ZSWIM5: variants seen among roughly 807,000 people sequenced by gnomAD.
ZSWIM5 encodes zinc finger SWIM domain-containing protein 5.
ZSWIM5 carries 55 observed loss-of-function variants against 119.6 expected under a neutral mutation model. The ratio of observed to expected loss-of-function variants is 0.46; its 90% CI spans 0.37 to 0.58. The LOEUF is 0.58. ZSWIM5 is among the 20% of genes least tolerant of loss of function. ZSWIM5 has a pLI of 0.00. For synonymous variants in ZSWIM5, 537 were observed against 606.9 expected (o/e 0.88, Z 1.69); for missense variants, 1,193 against 1,512.8 (o/e 0.79, Z 3.51).
intron 1 of ZSWIM5, among the ~76,000 whole-genome samples, chr1:45,099,878 G>A (rs1295725928): frequency 6.6e-6 from 1 of 152,080 alleles, no homozygotes; most frequent in Non-Finnish European, 1.5e-5. Context: ...CAATAAATTA[G>A]GTATTGATGT....
intron 4 of ZSWIM5, among the ~76,000 whole-genome samples, chr1:45,052,141 C>A (rs1645093073): frequency 1.3e-5 from 2 of 151,382 alleles, no homozygotes; most frequent in African/African-American, 2.4e-5. Flanking sequence ...TCGCACCCCA[C>A]CCCCAACCCT....
intron 1 of ZSWIM5, among the ~76,000 whole-genome samples, chr1:45,163,660 G>A (rs970840652): frequency 6.6e-5 from 10 of 152,166 alleles, no homozygotes; most frequent in Non-Finnish European, 1.5e-4. Flanking sequence ...ACCATGGCAC[G>A]AGAACTATGT....
chr1:45,206,010 C>T lies in ZSWIM5; in HGVS notation c.341G>A (p.Ser114Asn). The T allele has an allele frequency of 6.3e-7, 1 of 1,586,548 alleles. No individual in the cohort carries two copies. The change falls in exon 1 of 14, where the codon AGC becomes AAC. Residue 114 changes from serine (S) to asparagine (N), a missense_variant. Around this residue, in one of 2 missense-constraint regions of ZSWIM5, gnomAD observed 232 missense variants for 222.9 expected, o/e 1.04. Transcript: ENST00000359600. ...RNEREICMYS[S>N]FQYRGGPGAG... is the part of the protein sequence containing the mutation. ...GCCGGGGCCGCCCCGGTACTGGAAG[C>T]TGGAGTACATGCAGATCTCCCGCTC... is the stretch of plus-strand genomic sequence containing the variant.
intron 1 of ZSWIM5, among the ~76,000 whole-genome samples, chr1:45,099,213 G>T (rs1438010172): frequency 6.6e-6 from 1 of 151,890 alleles, no homozygotes; most frequent in Non-Finnish European, 1.5e-5. Flanking sequence ...ATGATAAAAG[G>T]GATATTACCA....
chr1:45,038,428 G>A (rs1644998491), intron 8 of ZSWIM5, among the ~76,000 whole-genome samples: 1 of 151,862 alleles, frequency 6.6e-6, no homozygotes, highest in South Asian at 2.1e-4. Flanking sequence ...AGGAAGGCTG[G>A]CAAGGTAAAA....
At chr1:45,122,090 C>T (rs766112192) in intron 1 of ZSWIM5, among the ~76,000 whole-genome samples, 1 of 152,180 alleles carries the variant, frequency 6.6e-6, no homozygotes, top group African/African-American at 2.4e-5. Context: ...CTGTCTTACT[C>T]ATTAACTTAT....
chr1:45,160,071 G>C (rs765827385), intron 1 of ZSWIM5, among the ~76,000 whole-genome samples: 1 of 152,000 alleles, frequency 6.6e-6, no homozygotes, highest in Admixed American at 6.6e-5. Flanking sequence ...GCTCTTTAAG[G>C]GTCTGCTGTA....
chr1:45,182,739 A>G (rs999990083), intron 1 of ZSWIM5, among the ~76,000 whole-genome samples: 10 of 152,132 alleles, frequency 6.6e-5, no homozygotes, highest in African/African-American at 2.4e-4. Flanking sequence ...GAGCACCCAG[A>G]TTCATAAAGC....
In ZSWIM5 at chr1:45,199,407, T is replaced by G. The variant is rs536512117; in HGVS notation, c.595+6349A>C. 4.0e-3 allele frequency among the ~76,000 whole-genome samples: 613 copies of G among 151,936 alleles called. 2 individuals carry two copies. The highest frequency in any genetic ancestry group is 7.3e-3 in the Non-Finnish European group (499 of 67,948). ...TCTGCCTCCCGGCTTCAAGCAATTC[T>G]CCTGCCTCAACCTCCTGAGTAGCTG... On this transcript the variant is annotated intron_variant, in intron 1 of 13. Transcript: ENST00000359600.
At position 45,174,200 on chromosome 1, in the gene ZSWIM5, G is replaced by A. The variant is rs574441203; in HGVS notation, c.595+31556C>T. ...TGAGGCAGGAGAATTGCTTGAACCC[G>A]GAGACAGAGGTTGCAGTGAGCCAAG... is the stretch of plus-strand genomic sequence containing the variant. On this transcript the variant is annotated intron_variant, in intron 1 of 13. Coordinates refer to ENST00000359600, the MANE Select transcript of ZSWIM5 (RefSeq NM_020883.2). 5.9e-5 allele frequency among the ~76,000 whole-genome samples: 9 copies of A among 152,050 alleles called. No homozygotes were observed. In the East Asian group the frequency reaches 9.7e-4, roughly 16 times the overall value.
At chr1:45,091,491 TAAAAAAA>T (rs35089745) in intron 1 of ZSWIM5, among the ~76,000 whole-genome samples, 1 of 104,338 alleles carries the variant, frequency 9.6e-6, no homozygotes, top group Admixed American at 1.0e-4. Context: ...ACCCTGTCTC[TAAAAAAA>T]AAAAAAAAAA....
intron 1 of ZSWIM5, among the ~76,000 whole-genome samples, chr1:45,107,646 A>G (rs63558660): frequency 6.9e-6 from 1 of 145,370 alleles, no homozygotes; most frequent in African/African-American, 2.8e-5. Context: ...TGTCTCAAAA[A>G]AAAAAAAAAA....
chr1:45,108,085 C>T (rs1474665915), intron 1 of ZSWIM5, among the ~76,000 whole-genome samples: 3 of 152,068 alleles, frequency 2.0e-5, no homozygotes, highest in African/African-American at 7.2e-5. Context: ...CATGTGTGAG[C>T]CACTGTGCTG....
At position 45,205,923 on chromosome 1, in the gene ZSWIM5, G is replaced by T; in HGVS notation, c.428C>A (p.Pro143His). The change falls in exon 1 of 14, where the codon CCC (proline) becomes CAC (histidine). Residue 143 changes from proline to histidine, a missense_variant. Physicochemically the swap from Pro to His is moderately conservative, Grantham distance 77 (BLOSUM62 -2). This residue lies in a region of ZSWIM5 where 232 missense variants were observed against 222.9 expected (regional missense o/e 1.04). Transcript: ENST00000359600. ...SPAEEGPQPP[P>H]GAAAPAGSAP... ...GGAGCCGGCCGGAGCGGCGGCCCCG[G>T]GGGGTGGCTGCGGCCCCTCCTCGGC... is the stretch of plus-strand genomic sequence containing the variant. 6.3e-6 allele frequency: 7 copies of T among 1,113,962 alleles called. No individual in the cohort carries two copies. Among genetic ancestry groups the T allele is most frequent in the Non-Finnish European group, 7.7e-6 (7 of 912,228 alleles). 69.0% of individuals were successfully genotyped at this position (1,113,962 alleles called of 1,614,324 possible).
intron 1 of ZSWIM5, among the ~76,000 whole-genome samples, chr1:45,153,468 T>C (rs948312915): frequency 6.7e-6 from 1 of 150,236 alleles, no homozygotes; most frequent in African/African-American, 2.5e-5. Context: ...ATTGTGCCAC[T>C]GCCCTCCAAT....
At position 45,169,501 on chromosome 1, in the gene ZSWIM5, C is replaced by T. The variant is rs182466298; in HGVS notation, c.595+36255G>A. 1.0e-3 allele frequency among the ~76,000 whole-genome samples: 155 copies of T among 152,072 alleles called. 1 individual carries two copies. The highest frequency in any genetic ancestry group is 8.3e-3 in the South Asian group (40 of 4,822). On this transcript the variant is annotated intron_variant, in intron 1 of 13. Coordinates refer to ENST00000359600, the MANE Select transcript of ZSWIM5 (RefSeq NM_020883.2). ...TAGTGACACAGTTGGAATATGAATC[C>T]TAACCTCTCTAATTCTAAAGCCCAT...
chr1:45,049,567 C>T (rs999209229), intron 5 of ZSWIM5, among the ~76,000 whole-genome samples: 4 of 152,156 alleles, frequency 2.6e-5, no homozygotes, highest in Admixed American at 6.5e-5. Context: ...GCCTGTAATA[C>T]TAGCACTTTG....
At chr1:45,102,438 G>C (rs1385220677) in intron 1 of ZSWIM5, among the ~76,000 whole-genome samples, 2 of 152,108 alleles carry the variant, frequency 1.3e-5, no homozygotes, top group South Asian at 4.1e-4. Flanking sequence ...CTAGTTAAGT[G>C]CTTCTTCCTA....
rs377100450 is a variant in ZSWIM5 at position 45,020,162 on chromosome 1, G to A, written c.2614-15C>T. 2 of 1,613,024 alleles carry A rather than the reference G, an allele frequency of 1.2e-6. No homozygotes were observed. Among genetic ancestry groups the A allele is most frequent in the African/African-American group, 1.3e-5 (1 of 74,894 alleles). Reference sequence around the variant, plus strand: ...ATCCGCATCACCTGGGCACAAAAGAGGCCTTTCCAGTGGGCTATGCCTAAC... The same window carrying A: ...ATCCGCATCACCTGGGCACAAAAGAAGCCTTTCCAGTGGGCTATGCCTAAC... On this transcript the variant is annotated splice_polypyrimidine_tract_variant and intron_variant, in intron 12 of 13. Transcript: ENST00000359600.
Sources: allele counts gnomAD v4.1 joint callset (sites outside exome capture counted in the v4.1 genomes callset), GRCh38; gene constraint gnomAD v4.1.1; regional missense constraint gnomAD v4.1.1; transcripts MANE v1.5; gene names NCBI Gene and HGNC (gene_info 2026-07-23, HGNC 2026-07-21).